Variants in COL4A6 observed in about 807,000 individuals in gnomAD.
The protein encoded by COL4A6 is collagen type IV alpha 6 chain.
COL4A6 carries 59 observed loss-of-function variants against 126.7 expected under a neutral mutation model. The observed-to-expected ratio is 0.47, with a 90% CI of 0.38 to 0.58. The LOEUF (loss-of-function observed/expected upper bound fraction) is 0.58. Ranked by LOEUF, COL4A6 falls within the 20% of genes least tolerant of loss-of-function variation. The pLI, the probability that COL4A6 is intolerant of heterozygous loss-of-function variation, is 0.00. For synonymous variants in COL4A6, 547 were observed against 496.6 expected (o/e 1.10, Z -1.35); for missense variants, 1,285 against 1,337.3 (o/e 0.96, Z 0.61).
chrX:108,309,250 A>G (rs1323205600), intron 3 of COL4A6, among the ~76,000 whole-genome samples: 1 of 109,981 alleles, frequency 9.1e-6, no homozygotes, highest in East Asian at 2.8e-4. Context: ...TTCAGAGGTG[A>G]GGGCATGGGT....
intron 8 of COL4A6, among the ~76,000 whole-genome samples, chrX:108,207,858 A>G (rs1358431400): frequency 9.0e-5 from 10 of 111,108 alleles, no homozygotes; most frequent in African/African-American, 2.6e-4. Flanking sequence ...TTGGGTATCC[A>G]TGAGAGGTCC....
At chrX:108,394,559 T>C (rs2040921293) in intron 2 of COL4A6, among the ~76,000 whole-genome samples, 1 of 112,132 alleles carries the variant, frequency 8.9e-6, no homozygotes, top group Non-Finnish European at 1.9e-5. Flanking sequence ...GGCTATATTC[T>C]TATTTTTAGC....
intron 37 of COL4A6, among the ~76,000 whole-genome samples, chrX:108,166,118 C>T (rs1226661734): frequency 1.8e-5 from 2 of 112,612 alleles, no homozygotes; most frequent in African/African-American, 6.4e-5. Context: ...ATCCCTCCCC[C>T]CTTTTTGGCC....
chrX:108,205,558 C>CT (rs1252943102), intron 10 of COL4A6, 78 bp from the exon 11 acceptor site: 6 of 1,126,914 alleles, frequency 5.3e-6, no homozygotes, highest in South Asian at 3.8e-5. Flanking sequence ...GGAATGCAAT[C>CT]TTTTTTACCA....
intron 3 of COL4A6, among the ~76,000 whole-genome samples, chrX:108,280,862 T>G (rs942231101): frequency 1.3e-4 from 14 of 111,711 alleles, no homozygotes; most frequent in Non-Finnish European, 2.4e-4. Context: ...ATAAATGTAA[T>G]CCAGCATATA....
At chrX:108,197,402 A>G (rs1243932683) in intron 13 of COL4A6, among the ~76,000 whole-genome samples, 2 of 112,452 alleles carry the variant, frequency 1.8e-5, no homozygotes, top group African/African-American at 6.5e-5. Flanking sequence ...TACTAAAGTG[A>G]ATAATGTTTT....
chrX:108,268,754 A>G (rs2147753509), intron 3 of COL4A6: 1 of 150,517 alleles, frequency 6.6e-6, no homozygotes, highest in South Asian at 1.6e-4. Context: ...GCAATGAGCC[A>G]GCATGACATT....
chrX:108,235,109 C>T (rs936429445), intron 3 of COL4A6, among the ~76,000 whole-genome samples: 2 of 111,440 alleles, frequency 1.8e-5, no homozygotes, highest in African/African-American at 6.5e-5. Context: ...GGAAGCAAAG[C>T]AGGTGGTGGG....
chrX:108,415,100 A>G (rs1389474755), intron 2 of COL4A6, among the ~76,000 whole-genome samples: 1 of 111,658 alleles, frequency 9.0e-6, no homozygotes, highest in East Asian at 2.8e-4. Flanking sequence ...CATCCTCTCC[A>G]TACCCACCAT....
At chrX:108,382,840 C>T (rs770576885) in intron 2 of COL4A6, among the ~76,000 whole-genome samples, 2 of 107,647 alleles carry the variant, frequency 1.9e-5, no homozygotes, top group South Asian at 4.2e-4. Flanking sequence ...CCCAGCTACT[C>T]GGGAGGCTGA....
Position 108,253,848 on chromosome X carries a change from C to G in COL4A6, c.145-32474G>C, listed in dbSNP as rs190100863. Reference sequence around the variant, plus strand: ...TAGGATTTGTGGGTTCCTATGGCCCCCATCTGTCAGATAGCCCATTACTTT... The same window carrying G: ...TAGGATTTGTGGGTTCCTATGGCCCGCATCTGTCAGATAGCCCATTACTTT... On this transcript the variant is annotated intron_variant, in intron 3 of 44. Transcript: ENST00000334504. Among the ~76,000 whole-genome samples, 226 of 111,724 alleles carry G rather than the reference C, an allele frequency of 2.0e-3. 1 individual carries two copies. The highest frequency in any genetic ancestry group is 6.6e-3 in the Admixed American group (70 of 10,542).
rs768167970 is a variant in COL4A6 at position 108,384,439 on chromosome X, C to T, written c.63+53503G>A. 1.7e-4 allele frequency among the ~76,000 whole-genome samples: 19 copies of T among 112,509 alleles called. No homozygotes were observed. In the Admixed American group the frequency reaches 1.8e-3, roughly 11 times the overall value. ...AGGCAAATATGAATGACTGTTTTAT[C>T]TCAAACAATGAGGAAAACACCTGGG... On this transcript the variant is annotated intron_variant, in intron 2 of 44. Coordinates refer to ENST00000334504, the MANE Select transcript of COL4A6 (RefSeq NM_033641.4).
intron 2 of COL4A6, among the ~76,000 whole-genome samples, chrX:108,342,949 T>C (rs2148009109): frequency 9.2e-6 from 1 of 109,236 alleles, no homozygotes; most frequent in East Asian, 2.9e-4. Context: ...ACATGAGTCT[T>C]GGCCTCATGG....
In COL4A6 at chrX:108,161,781, C is replaced by T. The variant is rs746227996; in HGVS notation, c.4217-46G>A. On this transcript the variant is annotated intron_variant, in intron 41 of 44. Transcript: ENST00000334504. ...AGGAGGGTACTCAATGTAGAGGGTC[C>T]CCAGGCACCTTCCCCAGGAAAGGGG... 8.0e-6 allele frequency: 7 copies of T among 876,066 alleles called. No homozygotes were observed. The South Asian group carries it at 1.5e-4, about 18-fold the overall frequency. The allele number at this position is 876,066 out of a possible 1,213,427, so 72.2% of individuals were successfully genotyped here. A position where few individuals can be genotyped will look rare whatever the true frequency, so the allele number is the denominator to read the frequency against.
intron 2 of COL4A6, among the ~76,000 whole-genome samples, chrX:108,382,639 T>C (rs1343002762): frequency 3.6e-5 from 4 of 110,121 alleles, no homozygotes; most frequent in Non-Finnish European, 7.6e-5. Flanking sequence ...AAATCCAAAA[T>C]TGAAATGAGA....
At chrX:108,186,940 A>G (rs898511730) in intron 23 of COL4A6, among the ~76,000 whole-genome samples, 156 bp downstream of exon 23, 2 of 111,546 alleles carry the variant, frequency 1.8e-5, no homozygotes, top group Non-Finnish European at 3.8e-5. Context: ...ATACAATTAT[A>G]ATACTTTTTT....
intron 3 of COL4A6, among the ~76,000 whole-genome samples, chrX:108,251,797 G>A (rs1194994956): frequency 9.0e-6 from 1 of 111,532 alleles, no homozygotes; most frequent in East Asian, 2.8e-4. Context: ...TGGTTATGAC[G>A]AATTATGTTT....
At chrX:108,379,458 T>G (rs1383889749) in intron 2 of COL4A6, among the ~76,000 whole-genome samples, 6 of 101,325 alleles carry the variant, frequency 5.9e-5, no homozygotes, top group African/African-American at 1.8e-4. Flanking sequence ...TTTTTTTTTT[T>G]GTAGAGAAGG....
chrX:108,384,507 C>A (rs1009632010), intron 2 of COL4A6, among the ~76,000 whole-genome samples: 3 of 111,890 alleles, frequency 2.7e-5, no homozygotes, highest in African/African-American at 6.5e-5. Flanking sequence ...AGTTTACGTG[C>A]AGTTACTAAT....
Sources: allele counts gnomAD v4.1 joint callset (sites outside exome capture counted in the v4.1 genomes callset), GRCh38; gene constraint gnomAD v4.1.1; transcripts MANE v1.5; gene names NCBI Gene and HGNC (gene_info 2026-07-23, HGNC 2026-07-21).